GRAMD1B: variants seen among roughly 807,000 people sequenced by gnomAD.
GRAMD1B encodes the protein GRAM domain containing 1B, also known as protein Aster-B.
In GRAMD1B, 37 loss-of-function variants were observed where a neutral mutation model predicts 99.7. The observed-to-expected ratio is 0.37, with a 90% CI of 0.29 to 0.49. The LOEUF (loss-of-function observed/expected upper bound fraction) is 0.49, where lower values mean the gene tolerates loss of function less well. Among genes scored for constraint, GRAMD1B ranks in the 20% least tolerant of loss-of-function variants. The pLI, the probability that GRAMD1B is intolerant of heterozygous loss-of-function variation, is 0.98. For missense variants in GRAMD1B, 888 were observed against 1,009.2 expected (o/e 0.88, Z 1.63); for synonymous variants, 427 against 387.6 (o/e 1.10, Z -1.19).
chr11:123,358,745 A>AC (rs1435520828), exon 1 of GRAMD1B: 3 of 152,588 alleles, frequency 2.0e-5, no homozygotes, highest in Non-Finnish European at 2.9e-5. Flanking sequence ...GACGCCGCTG[A>AC]CCGCCGCGCG....
At chr11:123,602,177 G>A (rs967096093) in intron 8 of GRAMD1B, among the ~76,000 whole-genome samples, 1 of 152,144 alleles carries the variant, frequency 6.6e-6, no homozygotes. Flanking sequence ...CCTAGAGTCA[G>A]GGCCCCAAAT....
chr11:123,469,418 CAG>C (rs1479471190), intron 1 of GRAMD1B, among the ~76,000 whole-genome samples: 3 of 152,110 alleles, frequency 2.0e-5, no homozygotes, highest in Admixed American at 2.0e-4. Flanking sequence ...TGGTTTCAGA[CAG>C]AGGCCGTCGG....
intron 9 of GRAMD1B, among the ~76,000 whole-genome samples, chr11:123,604,983 A>G (rs1425208276): frequency 6.6e-6 from 1 of 152,198 alleles, no homozygotes; most frequent in Non-Finnish European, 1.5e-5. Context: ...TTTGATTCAG[A>G]GGCTTCAAAT....
At chr11:123,389,106 C>T (rs574833668) in intron 1 of GRAMD1B, among the ~76,000 whole-genome samples, 9 of 151,978 alleles carry the variant, frequency 5.9e-5, no homozygotes, top group African/African-American at 9.7e-5. Flanking sequence ...AAATCCCGAC[C>T]GGGCACGGTG....
chr11:123,533,792 GA>G (rs1444962928), intron 2 of GRAMD1B, among the ~76,000 whole-genome samples: 15 of 152,148 alleles, frequency 9.9e-5, no homozygotes, highest in Admixed American at 6.5e-4. Context: ...AGATTATTCA[GA>G]TTTTACAAGT....
chr11:123,520,153 T>C (rs1942061103), intron 2 of GRAMD1B, among the ~76,000 whole-genome samples: 2 of 152,190 alleles, frequency 1.3e-5, no homozygotes, highest in Non-Finnish European at 1.5e-5. Flanking sequence ...TCAAAGCAGC[T>C]GCAATCAAAA....
intron 3 of GRAMD1B, among the ~76,000 whole-genome samples, chr11:123,584,037 G>A (rs979831913): frequency 2.6e-5 from 4 of 152,024 alleles, no homozygotes; most frequent in African/African-American, 9.7e-5. Context: ...TTGCGATGGG[G>A]CTCCGACTCC....
At chr11:123,371,646 G>A (rs1294459814) in intron 1 of GRAMD1B, among the ~76,000 whole-genome samples, 1 of 152,168 alleles carries the variant, frequency 6.6e-6, no homozygotes, top group Non-Finnish European at 1.5e-5. Flanking sequence ...TCACCACACA[G>A]ACACATGCTT....
At chr11:123,458,002 C>T (rs1950238923) in intron 1 of GRAMD1B, among the ~76,000 whole-genome samples, 1 of 152,228 alleles carries the variant, frequency 6.6e-6, no homozygotes, top group Admixed American at 6.5e-5. Flanking sequence ...AGGCGTAAGC[C>T]ACCATGCCTG....
rs370639032 is a variant in GRAMD1B, at chr11:123,603,494, T to C, written c.1119T>C (p.Ser373=). 9 of 1,613,648 alleles carry C rather than the reference T, an allele frequency of 5.6e-6. No homozygotes were observed. In the African/African-American group the frequency reaches 1.1e-4, roughly 19 times the overall value. The part of the protein sequence containing the change: ...QCYGNELGLT[S]DDEDYVPPDD... ...ATGGGAACGAATTGGGCCTGACCAG[T>C]GATGACGAGGACTACGTGCCCCCTG... is the stretch of plus-strand genomic sequence containing the variant. Residue 373 remains serine (S), a synonymous_variant, in exon 9 of 20, where the codon AGT becomes AGC. Coordinates refer to ENST00000635736, the MANE Select transcript of GRAMD1B (RefSeq NM_001387025.1).
At chr11:123,578,568 C>T in intron 3 of GRAMD1B, 1 of 676,442 alleles carries the variant, frequency 1.5e-6, no homozygotes, top group Non-Finnish European at 2.6e-6. Context: ...AGGGCCGGCC[C>T]CACTGTCCCC....
At chr11:123,524,822 T>C (rs1942539709) in intron 2 of GRAMD1B, among the ~76,000 whole-genome samples, 1 of 152,222 alleles carries the variant, frequency 6.6e-6, no homozygotes, top group Non-Finnish European at 1.5e-5. Context: ...TGAAGGTTGC[T>C]ATTTCATAAT....
chr11:123,511,337 C>A (rs931735848), intron 2 of GRAMD1B, among the ~76,000 whole-genome samples: 13 of 152,152 alleles, frequency 8.5e-5, no homozygotes, highest in Non-Finnish European at 1.6e-4. Context: ...CACTGCTCGC[C>A]GGATGCCCCA....
At position 123,600,560 on chromosome 11, in the gene GRAMD1B, C is replaced by A. The variant is rs201608431; in HGVS notation, c.1050+12C>A. ...CTCTCCTTGAAAAGGTAAGTACGGC[C>A]GAGTTTGCTTTTACTGTGGGACTGG... On this transcript the variant is annotated intron_variant, in intron 8 of 19. Coordinates refer to ENST00000635736, the MANE Select transcript of GRAMD1B (RefSeq NM_001387025.1). 5 of 1,587,554 alleles carry A rather than the reference C, an allele frequency of 3.1e-6. No homozygotes were observed. The African/African-American group carries it at 6.7e-5, about 21-fold the overall frequency.
intron 2 of GRAMD1B, among the ~76,000 whole-genome samples, chr11:123,486,571 A>G (rs1207628120): frequency 7.8e-6 from 1 of 127,988 alleles, no homozygotes; most frequent in East Asian, 2.5e-4. Context: ...AAAAAAAAAC[A>G]AAAAGAAAAA....
At chr11:123,395,352 G>A (rs1338733354) in intron 1 of GRAMD1B, among the ~76,000 whole-genome samples, 1 of 151,866 alleles carries the variant, frequency 6.6e-6, no homozygotes, top group Non-Finnish European at 1.5e-5. Flanking sequence ...AAGGTATAAA[G>A]GGAAACATGA....
At chr11:123,419,011 G>T (rs1415579053) in intron 1 of GRAMD1B, among the ~76,000 whole-genome samples, 3 of 152,214 alleles carry the variant, frequency 2.0e-5, no homozygotes, top group Non-Finnish European at 2.9e-5. Context: ...GCGATACAAG[G>T]TGGGAAATGA....
chr11:123,420,153 C>G (rs1428024357), intron 1 of GRAMD1B, among the ~76,000 whole-genome samples: 2 of 152,172 alleles, frequency 1.3e-5, no homozygotes, highest in Non-Finnish European at 2.9e-5. Flanking sequence ...ACTATTGCAA[C>G]AGAGGATGGC....
chr11:123,421,493 C>A (rs1469292707), intron 1 of GRAMD1B, among the ~76,000 whole-genome samples: 1 of 152,224 alleles, frequency 6.6e-6, no homozygotes, highest in Non-Finnish European at 1.5e-5. Context: ...GCTTTGTGAT[C>A]TTGGTCTAAG....
Sources: allele counts gnomAD v4.1 joint callset (sites outside exome capture counted in the v4.1 genomes callset), GRCh38; gene constraint gnomAD v4.1.1; transcripts MANE v1.5; gene names NCBI Gene and HGNC (gene_info 2026-07-23, HGNC 2026-07-21).